The following FAM200B variants were observed in gnomAD, a reference collection of about 807,000 sequenced individuals.
FAM200B encodes protein FAM200B.
A neutral mutation model predicts 33.1 loss-of-function variants in FAM200B; 32 were observed. That is an observed-to-expected ratio of 0.97 (90% CI 0.73 to 1.30). The LOEUF is 1.30. FAM200B is among the 50% of genes most tolerant of loss of function. The pLI, the probability that FAM200B is intolerant of heterozygous loss-of-function variation, is 0.00. For missense variants in FAM200B, 741 were observed against 754.0 expected, an observed-to-expected ratio of 0.98 and a Z score of 0.20; for synonymous variants, 240 against 264.8, an observed-to-expected ratio of 0.91 and a Z score of 0.91.
the FAM200B span, among the ~76,000 whole-genome samples, chr4:15,671,393 T>C: frequency 0.014 from 2,196 of 152,182 alleles, 46 homozygotes; most frequent in African/African-American, 0.05. Flanking sequence ...ATTTAAGATT[T>C]TATCTTTATC....
chr4:15,667,997 C>T, the FAM200B span, among the ~76,000 whole-genome samples: 8 of 150,228 alleles, frequency 5.3e-5, no homozygotes, highest in East Asian at 3.9e-4. Context: ...GCCAAGATTG[C>T]GCCATTGCAC....
At chr4:15,640,856 T>G in the FAM200B span, 1 of 1,553,836 alleles carries the variant, frequency 6.4e-7, no homozygotes, top group East Asian at 2.5e-5. Context: ...TTCAGTTGTT[T>G]TGCATAATTT....
chr4:15,669,388 T>C, the FAM200B span, among the ~76,000 whole-genome samples: 1 of 152,332 alleles, frequency 6.6e-6, no homozygotes, highest in Admixed American at 6.5e-5. Context: ...CACCATCATA[T>C]ATGTAGTGTT....
chr4:15,648,913 T>C, the FAM200B span, among the ~76,000 whole-genome samples: 1 of 152,224 alleles, frequency 6.6e-6, no homozygotes, highest in Non-Finnish European at 1.5e-5. Flanking sequence ...ATGTGTCAAT[T>C]TGATTTTGGT....
the FAM200B span, among the ~76,000 whole-genome samples, chr4:15,649,278 G>A: frequency 2.4e-3 from 359 of 152,146 alleles, no homozygotes; most frequent in African/African-American, 8.2e-3. Flanking sequence ...AGTAAATTTA[G>A]CAGTTAAAAG....
chr4:15,655,083 C>A, the FAM200B span: 1 of 712,226 alleles, frequency 1.4e-6, no homozygotes, highest in Non-Finnish European at 1.9e-6. Flanking sequence ...GCGCAGGCGG[C>A]TACTCGCGCG....
the FAM200B span, among the ~76,000 whole-genome samples, chr4:15,669,200 C>T: frequency 6.6e-6 from 1 of 152,190 alleles, no homozygotes; most frequent in Non-Finnish European, 1.5e-5. Flanking sequence ...CTTACACAAA[C>T]CCAGATACAA....
At chr4:15,643,064 CATA>C in the FAM200B span, among the ~76,000 whole-genome samples, 1 of 152,114 alleles carries the variant, frequency 6.6e-6, no homozygotes, top group African/African-American at 2.4e-5. Context: ...TGTGGCAATA[CATA>C]ATATGATACA....
chr4:15,638,603 T>A, the FAM200B span: 1 of 1,613,510 alleles, frequency 6.2e-7, no homozygotes, highest in Non-Finnish European at 8.5e-7. Flanking sequence ...TTCTGCAGTA[T>A]CCTTCTGAGA....
chr4:15,678,849 G>A (rs1421751041), upstream of FAM200B, among the ~76,000 whole-genome samples: 6 of 152,156 alleles, frequency 3.9e-5, no homozygotes, highest in East Asian at 7.7e-4. Context: ...GTAATAAACT[G>A]CTGCAAATTC....
At chr4:15,658,403 A>G in the FAM200B span, among the ~76,000 whole-genome samples, 41 of 152,346 alleles carry the variant, frequency 2.7e-4, no homozygotes, top group African/African-American at 9.6e-4. Flanking sequence ...TTAATCCCCA[A>G]TAAGGCAGTA....
the FAM200B span, among the ~76,000 whole-genome samples, chr4:15,637,902 T>TAAA: frequency 2.2e-4 from 32 of 144,852 alleles, no homozygotes; most frequent in African/African-American, 7.1e-4. Flanking sequence ...CTAGTTTTTT[T>TAAA]AAAAAAAAAA....
the FAM200B span, among the ~76,000 whole-genome samples, chr4:15,644,866 A>G: frequency 2.0e-5 from 3 of 152,238 alleles, no homozygotes; most frequent in Non-Finnish European, 2.9e-5. Flanking sequence ...AACAAGTTAT[A>G]ATGGTATAAT....
the FAM200B span, among the ~76,000 whole-genome samples, chr4:15,657,462 C>T: frequency 6.6e-6 from 1 of 152,120 alleles, no homozygotes. Context: ...CTAGTGTATC[C>T]ATCTGTAGAA....
the FAM200B span, chr4:15,641,502 AAC>A: frequency 2.6e-6 from 1 of 386,686 alleles, no homozygotes; most frequent in South Asian, 2.0e-5. Flanking sequence ...TGTTCTTAGT[AAC>A]ATTCTTTTCT....
chr4:15,665,301 T>TGGGCATCAGATGCGGTGTC, the FAM200B span, among the ~76,000 whole-genome samples: 1 of 152,178 alleles, frequency 6.6e-6, no homozygotes, highest in Non-Finnish European at 1.5e-5. Flanking sequence ...CCTACCTCCC[T>TGGGCATCAGATGCGGTGTC]GGGCATCAGA....
At chr4:15,650,014 A>C in the FAM200B span, among the ~76,000 whole-genome samples, 1 of 152,214 alleles carries the variant, frequency 6.6e-6, no homozygotes, top group South Asian at 2.1e-4. Context: ...TGTCAGAAAG[A>C]ACACTTGCTC....
chr4:15,674,500 C>T, the FAM200B span, among the ~76,000 whole-genome samples: 9 of 152,016 alleles, frequency 5.9e-5, no homozygotes, highest in Non-Finnish European at 1.0e-4. Context: ...CTCCATTTTA[C>T]GTTTATATAT....
At chr4:15,641,867 A>C in the FAM200B span, among the ~76,000 whole-genome samples, 1 of 152,030 alleles carries the variant, frequency 6.6e-6, no homozygotes, top group Non-Finnish European at 1.5e-5. Context: ...TCTCTACTAA[A>C]AATACAAAAA....
Sources: allele counts gnomAD v4.1 joint callset (sites outside exome capture counted in the v4.1 genomes callset), GRCh38; gene constraint gnomAD v4.1.1; transcripts MANE v1.5; gene names NCBI Gene and HGNC (gene_info 2026-07-23, HGNC 2026-07-21).